NUDCD1: variants seen among roughly 807,000 people sequenced by gnomAD.
NUDCD1 encodes the protein NudC domain containing 1.
NUDCD1 carries 60 observed loss-of-function variants against 67.8 expected under a neutral mutation model. The ratio of observed to expected loss-of-function variants is 0.88; its 90% CI spans 0.72 to 1.10. NUDCD1 has a LOEUF of 1.10. Ranked by LOEUF, NUDCD1 falls within the 50% of genes least tolerant of loss-of-function variation. NUDCD1 has a pLI of 0.00. For synonymous variants in NUDCD1, 244 were observed against 230.8 expected (o/e 1.06, Z -0.52); for missense variants, 643 against 695.0 (o/e 0.93, Z 0.84).
intron 8 of NUDCD1, among the ~76,000 whole-genome samples, chr8:109,259,112 C>G (rs1447650148): frequency 6.6e-6 from 1 of 152,192 alleles, no homozygotes; most frequent in Non-Finnish European, 1.5e-5. Context: ...TTCTCAACTA[C>G]TATTTCAAGG....
rs947170910 is a variant in NUDCD1, at chr8:109,327,683, T to C, written c.119-5220A>G. On this transcript the variant is annotated intron_variant, in intron 1 of 9. Coordinates refer to ENST00000239690, the MANE Select transcript of NUDCD1 (RefSeq NM_032869.4). ...ATTAAGCATTGATTTCCCTGTTCCT[T>C]TTCTCCCATTCAAGGCTAATTCCCA... 2.6e-5 allele frequency among the ~76,000 whole-genome samples: 4 copies of C among 152,214 alleles called. No homozygotes were observed. In the South Asian group the frequency reaches 6.2e-4, roughly 24 times the overall value.
chr8:109,301,852 G>A (rs1009487095), intron 2 of NUDCD1, among the ~76,000 whole-genome samples: 2 of 152,202 alleles, frequency 1.3e-5, no homozygotes, highest in African/African-American at 4.8e-5. Flanking sequence ...ATCACTGCAG[G>A]GACACCTGCC....
At chr8:109,324,904 A>G (rs1156393319) in intron 1 of NUDCD1, among the ~76,000 whole-genome samples, 4 of 152,006 alleles carry the variant, frequency 2.6e-5, no homozygotes, top group East Asian at 1.9e-4. Flanking sequence ...GGCCAACATG[A>G]TGAAACCCCG....
chr8:109,299,072 G>C (rs1814914390), intron 2 of NUDCD1: 2 of 152,364 alleles, frequency 1.3e-5, no homozygotes, highest in African/African-American at 4.8e-5. Context: ...AAAACACAGG[G>C]GTAGAGGAAG....
chr8:109,284,783 C>G (rs1172305403), intron 5 of NUDCD1, among the ~76,000 whole-genome samples: 5 of 151,216 alleles, frequency 3.3e-5, no homozygotes, highest in Admixed American at 1.3e-4. Context: ...CAAATTAACA[C>G]CAAAGCTAGC....
At chr8:109,294,014 T>C (rs1814775302) in intron 3 of NUDCD1, among the ~76,000 whole-genome samples, 2 of 152,014 alleles carry the variant, frequency 1.3e-5, no homozygotes, top group African/African-American at 4.8e-5. Flanking sequence ...AAGCATCATA[T>C]AAAAACACAC....
At chr8:109,284,919 G>A (rs1280483116) in intron 5 of NUDCD1, among the ~76,000 whole-genome samples, 1 of 150,896 alleles carries the variant, frequency 6.6e-6, no homozygotes, top group African/African-American at 2.4e-5. Flanking sequence ...TCAATAGGCT[G>A]TTAGCTAGAT....
intron 5 of NUDCD1, among the ~76,000 whole-genome samples, chr8:109,281,373 A>G (rs1252028111): frequency 6.6e-6 from 1 of 152,190 alleles, no homozygotes; most frequent in East Asian, 1.9e-4. Flanking sequence ...CCTCTTCCAG[A>G]CTTACCTGAT....
At chr8:109,277,102 G>A (rs1814307758) in intron 6 of NUDCD1, among the ~76,000 whole-genome samples, 1 of 151,922 alleles carries the variant, frequency 6.6e-6, no homozygotes. Flanking sequence ...TTAACTCATT[G>A]GTTACAACAA....
intron 5 of NUDCD1, among the ~76,000 whole-genome samples, chr8:109,284,640 C>T (rs1159552700): frequency 6.6e-6 from 1 of 151,772 alleles, no homozygotes; most frequent in East Asian, 1.9e-4. Context: ...AAAAACCACA[C>T]AGTATCATGG....
intron 2 of NUDCD1, among the ~76,000 whole-genome samples, chr8:109,314,477 A>C (rs1374165320): frequency 6.6e-6 from 1 of 152,186 alleles, no homozygotes; most frequent in African/African-American, 2.4e-5. Flanking sequence ...CACTGCTAGA[A>C]AATGACAGGG....
chr8:109,258,890 G>A (rs952373150), intron 8 of NUDCD1, among the ~76,000 whole-genome samples: 15 of 152,052 alleles, frequency 9.9e-5, no homozygotes, highest in African/African-American at 3.6e-4. Context: ...GTCCATCATA[G>A]GTAATAATAA....
intron 2 of NUDCD1, among the ~76,000 whole-genome samples, chr8:109,301,087 C>G (rs1446268498): frequency 2.0e-5 from 3 of 152,220 alleles, no homozygotes; most frequent in Non-Finnish European, 4.4e-5. Flanking sequence ...TGTCAGGTCT[C>G]TGAGCCCAAG....
chr8:109,294,621 A>G (rs1814796687), intron 3 of NUDCD1, among the ~76,000 whole-genome samples: 1 of 152,084 alleles, frequency 6.6e-6, no homozygotes, highest in Admixed American at 6.6e-5. Flanking sequence ...AGGAACTGTA[A>G]TGAAACCAGA....
At chr8:109,284,344 T>G (rs570788491) in intron 5 of NUDCD1, among the ~76,000 whole-genome samples, 16 of 152,176 alleles carry the variant, frequency 1.1e-4, no homozygotes, top group Non-Finnish European at 1.9e-4. Flanking sequence ...AGTGGGGAAC[T>G]TCAACATACC....
intron 1 of NUDCD1, among the ~76,000 whole-genome samples, chr8:109,323,286 C>A (rs1303761267): frequency 6.6e-6 from 1 of 152,128 alleles, no homozygotes; most frequent in African/African-American, 2.4e-5. Flanking sequence ...TTCTTCCTCC[C>A]CCAAATGCTC....
intron 8 of NUDCD1, among the ~76,000 whole-genome samples, chr8:109,251,859 T>G (rs953563426): frequency 6.6e-6 from 1 of 152,074 alleles, no homozygotes; most frequent in African/African-American, 2.4e-5. Flanking sequence ...AGTACTAAAT[T>G]GGGGCACTTT....
At chr8:109,297,778 C>T (rs1047303892) in intron 2 of NUDCD1, among the ~76,000 whole-genome samples, 2 of 152,152 alleles carry the variant, frequency 1.3e-5, no homozygotes, top group Non-Finnish European at 2.9e-5. Flanking sequence ...AAATGTTTTA[C>T]AAGAGAATAT....
At chr8:109,246,497 A>G (rs1304438691) in intron 8 of NUDCD1, among the ~76,000 whole-genome samples, 2 of 152,184 alleles carry the variant, frequency 1.3e-5, no homozygotes, top group African/African-American at 4.8e-5. Context: ...TTAAAGTATC[A>G]ATGTCAATAT....
Sources: allele counts gnomAD v4.1 joint callset (sites outside exome capture counted in the v4.1 genomes callset), GRCh38; gene constraint gnomAD v4.1.1; transcripts MANE v1.5; gene names NCBI Gene and HGNC (gene_info 2026-07-23, HGNC 2026-07-21).